SETD6: variants seen among roughly 807,000 people sequenced by gnomAD.
SETD6 encodes the protein N-lysine methyltransferase SETD6.
Under a neutral mutation model 52.7 loss-of-function variants are expected in SETD6, and 67 were observed. That is an observed-to-expected ratio of 1.27 (90% CI 1.04 to 1.56). SETD6 has a LOEUF of 1.56. SETD6 is among the 40% of genes most tolerant of loss of function. The pLI, the probability that SETD6 is intolerant of heterozygous loss-of-function variation, is 0.00. For synonymous variants in SETD6, 307 were observed against 250.2 expected (o/e 1.23, Z -2.14); for missense variants, 712 against 607.5 (o/e 1.17, Z -1.81).
chr16:58,521,450 G>A lies in SETD6; in HGVS notation c.*2421G>A. 2 of 841,444 alleles carry A rather than the reference G, an allele frequency of 2.4e-6. No homozygotes were observed. The highest frequency in any genetic ancestry group is 3.7e-6 in the Non-Finnish European group (2 of 546,126). The allele number at this position is 841,444 out of a possible 1,614,324, so 52.1% of individuals were successfully genotyped here. On this transcript the variant is annotated 3_prime_UTR_variant, in exon 8 of 8. Transcript: ENST00000219315. Reference sequence around the variant, plus strand: ...AAAGTTTTCACCTTTAGTAAAGACAGGTGGATTAATATACTCCAAATAGCA... The same window carrying A: ...AAAGTTTTCACCTTTAGTAAAGACAAGTGGATTAATATACTCCAAATAGCA...
Position 58,516,030 on chromosome 16 carries a change from G to A in SETD6, c.267G>A (p.Leu89=). The part of the protein sequence containing the change: ...ARESVQAGEL[L]FVVPRAALLS... Reference sequence around the variant, plus strand: ...AGAGCGTGCAGGCCGGAGAGCTGTTGTTCGTGGTGCCGCGGGCCGCGCTCC... The same window carrying A: ...AGAGCGTGCAGGCCGGAGAGCTGTTATTCGTGGTGCCGCGGGCCGCGCTCC... Residue 89 remains leucine, a synonymous_variant, in exon 2 of 8, where the codon TTG becomes TTA. Coordinates refer to ENST00000219315, the MANE Select transcript of SETD6 (RefSeq NM_001160305.4). The A allele has an allele frequency of 6.6e-7, 1 of 1,524,698 alleles. No individual in the cohort carries two copies. Among genetic ancestry groups the A allele is most frequent in the East Asian group, 2.7e-5 (1 of 37,044 alleles). 94.4% of individuals were successfully genotyped at this position (1,524,698 alleles called of 1,614,324 possible). A position where few individuals can be genotyped will look rare whatever the true frequency, so the allele number is the denominator to read the frequency against.
Position 58,516,885 on chromosome 16 carries a change from TAA to T in SETD6, c.751_752del (p.Asn251ProfsTer26), listed in dbSNP as rs1377574733. 12 of 1,614,146 alleles carry T rather than the reference TAA, an allele frequency of 7.4e-6. No individual in the cohort carries two copies. Among genetic ancestry groups the T allele is most frequent in the African/African-American group, 1.3e-5 (1 of 75,038 alleles). On this transcript the variant is annotated frameshift_variant, in exon 5 of 8. Transcript: ENST00000219315. LOFTEE classifies it high-confidence loss of function. ...GTGATGGTGCCTGCTGCAGACATAC[TAA>T]ACCACTTAGCCAATCACAACGCCAA...
chr16:58,518,381 C>T lies in SETD6; in HGVS notation c.974-20C>T. The T allele has an allele frequency of 2.5e-6, 4 of 1,580,496 alleles. No homozygotes were observed. The highest frequency in any genetic ancestry group is 2.2e-5 in the East Asian group (1 of 44,634). On this transcript the variant is annotated intron_variant, in intron 6 of 7. Transcript: ENST00000219315. ...ACCCTTGGGTGTACTGAGACTTTCACATTGCTGTTTCATCTACAGGAACAA... is the reference window on the plus strand; with the variant it reads ...ACCCTTGGGTGTACTGAGACTTTCATATTGCTGTTTCATCTACAGGAACAA...
rs544011611 is a variant in SETD6, at chr16:58,522,058, G to A, written c.*3029G>A. On this transcript the variant is annotated 3_prime_UTR_variant, in exon 8 of 8. Coordinates refer to ENST00000219315, the MANE Select transcript of SETD6 (RefSeq NM_001160305.4). ...CTGCAGGCTGGGCACAGTGACTCAC[G>A]CCTGTAATCCCAGCACTCTGGGAGG... Among the ~76,000 whole-genome samples, 42 of 151,726 alleles carry A rather than the reference G, an allele frequency of 2.8e-4. No homozygotes were observed. The highest frequency in any genetic ancestry group is 4.6e-4 in the Non-Finnish European group (31 of 67,908).
Position 58,523,007 on chromosome 16 carries a change from AG to A in SETD6, c.*3980del, listed in dbSNP as rs2039460097. The A allele has an allele frequency of 6.4e-6, 1 of 157,170 alleles. No homozygotes were observed. Among genetic ancestry groups the A allele is most frequent in the Non-Finnish European group, 1.4e-5 (1 of 71,250 alleles). 9.7% of individuals were successfully genotyped at this position (157,170 alleles called of 1,614,324 possible). A position where few individuals can be genotyped will look rare whatever the true frequency, so the allele number is the denominator to read the frequency against. The stretch of plus-strand genomic sequence containing the variant: ...ACGCCTGTAATCCCAGCACTTTGGG[AG>A]GCTGAGGCGGGTGGATCACTTGAGG... On this transcript the variant is annotated 3_prime_UTR_variant, in exon 8 of 8. Transcript: ENST00000219315.
In SETD6 at chr16:58,518,510, G is replaced by A. The variant is rs2039250425; in HGVS notation, c.1083G>A (p.Val361=). 3 of 1,593,740 alleles carry A rather than the reference G, an allele frequency of 1.9e-6. No individual in the cohort carries two copies. In the Admixed American group the frequency reaches 5.7e-5, roughly 31 times the overall value. ...EGAFVIGREE[V]LTEEELTTTL... ...CCTTTGTGATAGGGAGGGAGGAGGT[G>A]CTGACTGAAGAGGAGCTGACCACCA... Residue 361 remains valine (V), a synonymous_variant, in exon 7 of 8, where the codon GTG becomes GTA. Transcript: ENST00000219315.
intron 5 of SETD6, 138 bp from the exon 6 acceptor site, chr16:58,517,913 A>G (rs1365697380): frequency 9.5e-7 from 1 of 1,057,650 alleles, no homozygotes; most frequent in Non-Finnish European, 1.4e-6. Flanking sequence ...TCTAACAGGA[A>G]CTAAAGGTAG....
At position 58,522,252 on chromosome 16, in the gene SETD6, AAAAAAAAAAAAAAAAG is replaced by A. The variant is rs1334941547; in HGVS notation, c.*3224_*3239del. Among the ~76,000 whole-genome samples, 1 of 87,594 alleles carries A rather than the reference AAAAAAAAAAAAAAAAG, an allele frequency of 1.1e-5. No individual in the cohort carries two copies. Among genetic ancestry groups the A allele is most frequent in the Non-Finnish European group, 2.6e-5 (1 of 38,322 alleles). The allele number at this position is 87,594 out of a possible 152,430, so 57.5% of individuals were successfully genotyped here. On this transcript the variant is annotated 3_prime_UTR_variant, in exon 8 of 8. Transcript: ENST00000219315. ...GAGACTGTCTCAAAAAAAAAAAAAAAAAAAAAAAAAAAAAAGCTAACATTGCTAGTTCACATGTAAA... is the reference window on the plus strand; with the variant it reads ...GAGACTGTCTCAAAAAAAAAAAAAAACTAACATTGCTAGTTCACATGTAAA...
Position 58,519,239 on chromosome 16 carries a change from GTTAC to G in SETD6, c.*214_*217del. On this transcript the variant is annotated 3_prime_UTR_variant, in exon 8 of 8. Transcript: ENST00000219315. Reference sequence around the variant, plus strand: ...GCAGACTTGGGAATCACTGCTAATTGTTACTTAAAGCATGTTACAGATGTTTTGT... The same window carrying G: ...GCAGACTTGGGAATCACTGCTAATTGTTAAAGCATGTTACAGATGTTTTGT... The G allele has an allele frequency of 1.8e-6, 1 of 549,976 alleles. No homozygotes were observed. The highest frequency in any genetic ancestry group is 3.2e-6 in the Non-Finnish European group (1 of 312,894). 34.1% of individuals were successfully genotyped at this position (549,976 alleles called of 1,614,324 possible).
At position 58,518,733 on chromosome 16, in the gene SETD6, A is replaced by C; in HGVS notation, c.1126A>C (p.Met376Leu). Residue 376 changes from methionine to leucine, a missense_variant, in exon 8 of 8, where the codon ATG becomes CTG. Met to Leu is a conservative substitution (Grantham distance 15, BLOSUM62 2). Transcript: ENST00000219315. ...ELTTTLKVLC[M>L]PAEEFRELKD... is the part of the protein sequence containing the mutation. The stretch of plus-strand genomic sequence containing the variant: ...CTGTGGTTGCTTCTAGGTACTGTGC[A>C]TGCCTGCTGAGGAGTTCAGAGAGCT... 1.2e-6 allele frequency: 2 copies of C among 1,614,062 alleles called. No homozygotes were observed. The highest frequency in any genetic ancestry group is 2.2e-5 in the South Asian group (2 of 91,062).
Position 58,516,001 on chromosome 16 carries a change from C to T in SETD6, c.238C>T (p.Arg80Trp), listed in dbSNP as rs751870228. 2 of 1,542,338 alleles carry T rather than the reference C, an allele frequency of 1.3e-6. No homozygotes were observed. Among genetic ancestry groups the T allele is most frequent in the East Asian group, 2.6e-5 (1 of 39,118 alleles). The change falls in exon 2 of 8, where the codon CGG becomes TGG. Residue 80 changes from arginine to tryptophan, a missense_variant. Physicochemically the swap from Arg to Trp is moderately radical, Grantham distance 101. Transcript: ENST00000219315. Reference protein sequence around the residue: ...GTVAGYGMVARESVQAGELLF... With the variant: ...GTVAGYGMVAWESVQAGELLF... ...GGTGGCCGGCTACGGCATGGTGGCC[C>T]GGGAGAGCGTGCAGGCCGGAGAGCT...
In SETD6 at chr16:58,521,327, G is replaced by A. The variant is rs775357070; in HGVS notation, c.*2298G>A. 1.9e-5 allele frequency: 30 copies of A among 1,594,270 alleles called. No individual in the cohort carries two copies. The South Asian group carries it at 3.3e-4, about 18-fold the overall frequency. On this transcript the variant is annotated 3_prime_UTR_variant, in exon 8 of 8. Transcript: ENST00000219315. ...CCGTTCCAAGAGAACTCTGGAAAAA[G>A]GGAGAAAGAGCTAGTTAATGTATAG...
chr16:58,523,319 G>T lies in SETD6; in HGVS notation c.*4290G>T. 1.3e-6 allele frequency: 2 copies of T among 1,493,736 alleles called. No individual in the cohort carries two copies. The highest frequency in any genetic ancestry group is 1.3e-5 in the South Asian group (1 of 75,638). The allele number at this position is 1,493,736 out of a possible 1,614,324, so 92.5% of individuals were successfully genotyped here. Reference sequence around the variant, plus strand: ...AGCATAAAGAGGAAAAAAAAAAGATGAAAGGGAGGAGATCCTTTTGAAGCA... The same window carrying T: ...AGCATAAAGAGGAAAAAAAAAAGATTAAAGGGAGGAGATCCTTTTGAAGCA... On this transcript the variant is annotated 3_prime_UTR_variant, in exon 8 of 8. Coordinates refer to ENST00000219315, the MANE Select transcript of SETD6 (RefSeq NM_001160305.4).
At chr16:58,516,457 T>A in intron 3 of SETD6, 21 bp from the exon 4 acceptor site, 1 of 1,613,562 alleles carries the variant, frequency 6.2e-7, no homozygotes, top group Non-Finnish European at 8.5e-7. Flanking sequence ...GAAGGGAACC[T>A]GGGTGTGGGT....
chr16:58,522,696 A>G lies in SETD6; in HGVS notation c.*3667A>G, dbSNP rs145460177. Among the ~76,000 whole-genome samples the G allele has an allele frequency of 3.1e-4, 47 of 152,352 alleles. No individual in the cohort carries two copies. The East Asian group carries it at 8.1e-3, about 26-fold the overall frequency. ...CTTTCAACCCAGAGGTAATGAGGAA[A>G]AGTCCAAGTTCCTTAACATAGACTT... is the stretch of plus-strand genomic sequence containing the variant. On this transcript the variant is annotated 3_prime_UTR_variant, in exon 8 of 8. Coordinates refer to ENST00000219315, the MANE Select transcript of SETD6 (RefSeq NM_001160305.4).
intron 2 of SETD6, 29 bp downstream of exon 2, chr16:58,516,126 G>GGGCGGGGCGA (rs2039132900): frequency 8.8e-7 from 1 of 1,135,144 alleles, no homozygotes; most frequent in Admixed American, 5.0e-5. Flanking sequence ...TAGGGCCCTG[G>GGGCGGGGCGA]GGCGGGGCGG....
In SETD6 at chr16:58,515,901, G is replaced by T. The variant is rs369684022; in HGVS notation, c.138G>T (p.Gly46=). ...CCAAGGTGAGCGAGCGAGCCGGCGG[G>T]CGGAGGACCCGCGGCGGGGCGCGGG... ...LSPKVSERAG[G]RRTRGGARAA... is the part of the protein sequence containing the mutation. Residue 46 remains glycine, a synonymous_variant, in exon 2 of 8, where the codon GGG becomes GGT. Coordinates refer to ENST00000219315, the MANE Select transcript of SETD6 (RefSeq NM_001160305.4). The T allele has an allele frequency of 2.7e-6, 4 of 1,507,950 alleles. No homozygotes were observed. The highest frequency in any genetic ancestry group is 2.9e-5 in the African/African-American group (2 of 69,086). The allele number at this position is 1,507,950 out of a possible 1,614,324, so 93.4% of individuals were successfully genotyped here.
Position 58,519,011 on chromosome 16 carries a change from G to T in SETD6, c.1404G>T (p.Leu468Phe). ...RYGQKMILHQ[L>F]LELTS ...GTCAGAAGATGATCTTACATCAGTTGTTGGAGCTGACAAGTTAGCAGTTTC... is the reference window on the plus strand; with the variant it reads ...GTCAGAAGATGATCTTACATCAGTTTTTGGAGCTGACAAGTTAGCAGTTTC... The change falls in exon 8 of 8, where the codon TTG becomes TTT. Residue 468 changes from leucine to phenylalanine, a missense_variant. Transcript: ENST00000219315. 5 of 1,612,044 alleles carry T rather than the reference G, an allele frequency of 3.1e-6. No homozygotes were observed. The highest frequency in any genetic ancestry group is 4.2e-6 in the Non-Finnish European group (5 of 1,178,696).
At position 58,521,409 on chromosome 16, in the gene SETD6, T is replaced by C; in HGVS notation, c.*2380T>C. 1 of 1,324,886 alleles carries C rather than the reference T, an allele frequency of 7.5e-7. No individual in the cohort carries two copies. The highest frequency in any genetic ancestry group is 1.0e-6 in the Non-Finnish European group (1 of 963,792). 82.1% of individuals were successfully genotyped at this position (1,324,886 alleles called of 1,614,324 possible). A position where few individuals can be genotyped will look rare whatever the true frequency, so the allele number is the denominator to read the frequency against. ...ACTTTTTTTCTAACTTCTCCCTGAC[T>C]ATTGAACCACATGCAAAAGTTTTCA... On this transcript the variant is annotated 3_prime_UTR_variant, in exon 8 of 8. Coordinates refer to ENST00000219315, the MANE Select transcript of SETD6 (RefSeq NM_001160305.4).
Sources: allele counts gnomAD v4.1 joint callset (sites outside exome capture counted in the v4.1 genomes callset), GRCh38; gene constraint gnomAD v4.1.1; transcripts MANE v1.5; gene names NCBI Gene and HGNC (gene_info 2026-07-23, HGNC 2026-07-21).